Variants in KLF12 observed in about 807,000 individuals in gnomAD.
KLF12 encodes Krueppel-like factor 12.
A neutral mutation model predicts 37.8 loss-of-function variants in KLF12; 9 were observed. The observed-to-expected ratio is 0.24, with a 90% CI of 0.14 to 0.42. The LOEUF (loss-of-function observed/expected upper bound fraction) is 0.42. KLF12 is among the 10% of genes least tolerant of loss of function. KLF12 has a pLI of 1.00. For missense variants in KLF12, 411 were observed against 516.0 expected, an observed-to-expected ratio of 0.80 and a Z score of 1.97; for synonymous variants, 208 against 202.1, an observed-to-expected ratio of 1.03 and a Z score of -0.25.
At chr13:73,835,443 C>G (rs1884381095) in intron 4 of KLF12, among the ~76,000 whole-genome samples, 1 of 151,648 alleles carries the variant, frequency 6.6e-6, no homozygotes, top group Non-Finnish European at 1.5e-5. Flanking sequence ...AAAATCAAGA[C>G]TCAGAAAAAG....
At chr13:73,935,905 C>G (rs1471419774) in intron 3 of KLF12, among the ~76,000 whole-genome samples, 2 of 152,084 alleles carry the variant, frequency 1.3e-5, no homozygotes, top group Non-Finnish European at 2.9e-5. Flanking sequence ...AGCACTTGGC[C>G]TCAGGTATTT....
At chr13:73,771,181 T>A (rs775662398) in intron 5 of KLF12, among the ~76,000 whole-genome samples, 1 of 152,158 alleles carries the variant, frequency 6.6e-6, no homozygotes, top group Non-Finnish European at 1.5e-5. Context: ...GTACTTAGCA[T>A]GGGTTAACTC....
intron 6 of KLF12, among the ~76,000 whole-genome samples, chr13:73,715,767 A>T (rs1875757344): frequency 6.6e-6 from 1 of 152,226 alleles, no homozygotes; most frequent in South Asian, 2.1e-4. Context: ...CAACAATAAC[A>T]AAAACTGAAA....
chr13:73,695,365 T>C lies in KLF12; in HGVS notation c.*125A>G, dbSNP rs892804088. The stretch of plus-strand genomic sequence containing the variant: ...GAAGTGTGCCTTCTTTTTCCTGCTC[T>C]GGTTTCAGACATCGTGGGATGGTGA... On this transcript the variant is annotated 3_prime_UTR_variant, in exon 8 of 8. Coordinates refer to ENST00000377669, the MANE Select transcript of KLF12 (RefSeq NM_007249.5). 54 of 906,888 alleles carry C rather than the reference T, an allele frequency of 6.0e-5. No homozygotes were observed. Among genetic ancestry groups the C allele is most frequent in the Non-Finnish European group, 8.5e-5 (51 of 597,842 alleles). 56.2% of individuals were successfully genotyped at this position (906,888 alleles called of 1,614,324 possible).
chr13:74,263,171 T>G, the KLF12 span, among the ~76,000 whole-genome samples: 1 of 152,166 alleles, frequency 6.6e-6, no homozygotes, highest in Non-Finnish European at 1.5e-5. Flanking sequence ...CTAAAATGCT[T>G]CTCATGTCTA....
intron 2 of KLF12, chr13:73,961,929 T>TA (rs1891034637): frequency 4.5e-6 from 2 of 441,132 alleles, no homozygotes; most frequent in African/African-American, 2.0e-5. Flanking sequence ...GATGACAGTT[T>TA]ATTAGCTTCT....
chr13:73,861,217 A>G (rs1320559600), intron 3 of KLF12, among the ~76,000 whole-genome samples: 2 of 152,178 alleles, frequency 1.3e-5, no homozygotes, highest in Admixed American at 1.3e-4. Flanking sequence ...TCCTGTAACT[A>G]GATACAATGA....
At chr13:73,927,024 A>T (rs1433314464) in intron 3 of KLF12, among the ~76,000 whole-genome samples, 1 of 152,146 alleles carries the variant, frequency 6.6e-6, no homozygotes, top group Admixed American at 6.6e-5. Context: ...GAAATAGCAT[A>T]AAAAATGTGA....
intron 3 of KLF12, among the ~76,000 whole-genome samples, chr13:73,887,917 T>TA (rs1887310861): frequency 6.6e-6 from 1 of 152,046 alleles, no homozygotes; most frequent in African/African-American, 2.4e-5. Context: ...TACATAATAA[T>TA]ATGATGCTCT....
chr13:73,722,276 G>A (rs1876325189), intron 6 of KLF12, among the ~76,000 whole-genome samples: 1 of 152,108 alleles, frequency 6.6e-6, no homozygotes, highest in South Asian at 2.1e-4. Context: ...AGTTAATCAG[G>A]ATTTACATAA....
At chr13:74,082,307 A>G (rs1343598766) in intron 1 of KLF12, among the ~76,000 whole-genome samples, 3 of 152,138 alleles carry the variant, frequency 2.0e-5, no homozygotes. Context: ...CAATCCACAC[A>G]TATCCTTTTC....
At position 73,764,885 on chromosome 13, in the gene KLF12, T is replaced by C. The variant is rs1463989683; in HGVS notation, c.869+53A>G. 3 of 977,678 alleles carry C rather than the reference T, an allele frequency of 3.1e-6. No homozygotes were observed. In the African/African-American group the frequency reaches 4.8e-5, roughly 16 times the overall value. 60.6% of individuals were successfully genotyped at this position (977,678 alleles called of 1,614,324 possible). A position where few individuals can be genotyped will look rare whatever the true frequency, so the allele number is the denominator to read the frequency against. ...ATTCTCTTAATTTTAACATAAGCCC[T>C]ATTAAAGTTTCCCGTAAGACCTACA... On this transcript the variant is annotated intron_variant, in intron 6 of 7. Transcript: ENST00000377669.
the KLF12 span, among the ~76,000 whole-genome samples, chr13:74,293,795 G>C: frequency 6.6e-6 from 1 of 152,206 alleles, no homozygotes; most frequent in African/African-American, 2.4e-5. Context: ...GGCCATGTCA[G>C]CACCTGTGGC....
the KLF12 span, among the ~76,000 whole-genome samples, chr13:74,204,388 C>T: frequency 2.0e-5 from 3 of 152,102 alleles, no homozygotes; most frequent in Non-Finnish European, 2.9e-5. Flanking sequence ...ATGTAACCAT[C>T]ACCCCAATAA....
At chr13:73,958,418 T>C (rs985056037) in intron 2 of KLF12, among the ~76,000 whole-genome samples, 3 of 151,978 alleles carry the variant, frequency 2.0e-5, no homozygotes, top group Admixed American at 6.6e-5. Context: ...AATTTTTGTA[T>C]ATTTAGTAGA....
chr13:74,182,479 A>G, the KLF12 span, among the ~76,000 whole-genome samples: 1 of 152,200 alleles, frequency 6.6e-6, no homozygotes, highest in South Asian at 2.1e-4. Flanking sequence ...GCCTCAGGCC[A>G]TTGTATACTA....
chr13:74,113,531 T>C (rs948173477), intron 1 of KLF12, among the ~76,000 whole-genome samples: 8 of 152,230 alleles, frequency 5.3e-5, no homozygotes, highest in African/African-American at 1.9e-4. Flanking sequence ...GCCTGGATAA[T>C]GGCACATCTA....
At chr13:73,924,625 C>A (rs1206536355) in intron 3 of KLF12, among the ~76,000 whole-genome samples, 1 of 152,060 alleles carries the variant, frequency 6.6e-6, no homozygotes, top group East Asian at 1.9e-4. Context: ...GGCCAAGTAA[C>A]AACCCTACAA....
the KLF12 span, among the ~76,000 whole-genome samples, chr13:74,254,267 G>A: frequency 3.9e-5 from 6 of 152,276 alleles, no homozygotes; most frequent in East Asian, 1.2e-3. Flanking sequence ...GATAAAACAG[G>A]CCATGAGACA....
Sources: allele counts gnomAD v4.1 joint callset (sites outside exome capture counted in the v4.1 genomes callset), GRCh38; gene constraint gnomAD v4.1.1; transcripts MANE v1.5; gene names NCBI Gene and HGNC (gene_info 2026-07-23, HGNC 2026-07-21).